GOSR2: variants seen among roughly 807,000 people sequenced by gnomAD.
The protein encoded by GOSR2 is 27 kDa Golgi SNARE protein.
A neutral mutation model predicts 27.9 loss-of-function variants in GOSR2; 20 were observed. The ratio of observed to expected loss-of-function variants is 0.72; its 90% CI spans 0.50 to 1.04. GOSR2 has a LOEUF of 1.04. Ranked by LOEUF, GOSR2 falls within the 50% of genes least tolerant of loss-of-function variation. The pLI, the probability that GOSR2 is intolerant of heterozygous loss-of-function variation, is 0.00. For missense variants in GOSR2, 261 were observed against 270.5 expected (o/e 0.97, Z 0.25); for synonymous variants, 91 against 98.8 (o/e 0.92, Z 0.47).
At chr17:46,936,520 C>G in intron 5 of GOSR2, 1 of 985,608 alleles carries the variant, frequency 1.0e-6, no homozygotes, top group Non-Finnish European at 1.2e-6. Context: ...CTCCACCTGC[C>G]TCACACCCTG....
chr17:46,935,430 A>G (rs1288527748), intron 5 of GOSR2: 1 of 1,419,674 alleles, frequency 7.0e-7, no homozygotes, highest in African/African-American at 1.4e-5. Flanking sequence ...TACTGAACTT[A>G]TCATGAAAGT....
At chr17:46,944,987 T>C (rs1162107920), downstream of GOSR2, among the ~76,000 whole-genome samples, 1 of 152,200 alleles carries the variant, frequency 6.6e-6, no homozygotes, top group Non-Finnish European at 1.5e-5. Flanking sequence ...TGGAGTATCA[T>C]TCCTGTTCAG....
At chr17:46,970,020 G>A (rs2091375096), downstream of GOSR2, among the ~76,000 whole-genome samples, 1 of 152,180 alleles carries the variant, frequency 6.6e-6, no homozygotes, top group African/African-American at 2.4e-5. Context: ...GCTGACTACA[G>A]CTAACCTCTC....
chr17:46,933,416 GTC>G (rs1376833229), intron 4 of GOSR2: 1 of 152,224 alleles, frequency 6.6e-6, no homozygotes, highest in Non-Finnish European at 1.5e-5. Flanking sequence ...CTGAAGAGAA[GTC>G]TCTGAGTCTT....
At chr17:46,929,371 G>A in intron 1 of GOSR2, 149 bp from the exon 2 acceptor site, 1 of 687,890 alleles carries the variant, frequency 1.5e-6, no homozygotes, top group Non-Finnish European at 2.7e-6. Context: ...CCAAAACGTG[G>A]GACCTAAAGT....
chr17:46,950,711 G>C (rs919497632), intron 6 of GOSR2, among the ~76,000 whole-genome samples: 3 of 152,152 alleles, frequency 2.0e-5, no homozygotes, highest in African/African-American at 7.2e-5. Flanking sequence ...TGGCTTGAGA[G>C]GGCAGGGACT....
chr17:46,943,580 C>G (rs2089547597), downstream of GOSR2, among the ~76,000 whole-genome samples: 1 of 152,228 alleles, frequency 6.6e-6, no homozygotes, highest in South Asian at 2.1e-4. Flanking sequence ...AGTTGCTCCT[C>G]ACCGCAGGGG....
At chr17:46,923,347 G>T in intron 1 of GOSR2, 126 bp downstream of exon 1, 1 of 1,522,076 alleles carries the variant, frequency 6.6e-7, no homozygotes, top group Non-Finnish European at 8.8e-7. Context: ...GGCACTGCTG[G>T]GGATGCCTCC....
chr17:46,960,210 A>G (rs1457173389), intron 6 of GOSR2, among the ~76,000 whole-genome samples: 1 of 152,256 alleles, frequency 6.6e-6, no homozygotes, highest in East Asian at 1.9e-4. Context: ...ACACTTTACT[A>G]AAGAAGATAT....
chr17:46,936,777 C>CG (rs1199531076), intron 5 of GOSR2: 5 of 981,416 alleles, frequency 5.1e-6, no homozygotes, highest in East Asian at 2.3e-4. Context: ...GTCACTATCT[C>CG]GGGGAAAAAA....
At chr17:46,958,440 T>G (rs1372722530) in intron 6 of GOSR2, among the ~76,000 whole-genome samples, 1 of 152,202 alleles carries the variant, frequency 6.6e-6, no homozygotes, top group Non-Finnish European at 1.5e-5. Context: ...GGCTTCCTTT[T>G]ATTCTCGAAC....
chr17:46,951,940 C>T (rs1047369378), intron 6 of GOSR2, among the ~76,000 whole-genome samples: 1 of 152,194 alleles, frequency 6.6e-6, no homozygotes, highest in African/African-American at 2.4e-5. Context: ...TTCACCCCCA[C>T]CAGGAAGTCT....
chr17:46,974,553 T>C (rs1158480740), intron 6 of GOSR2, among the ~76,000 whole-genome samples: 2 of 152,056 alleles, frequency 1.3e-5, no homozygotes, highest in Admixed American at 6.6e-5. Context: ...GCTAACACGG[T>C]GAAACCCCGT....
chr17:46,926,248 G>C (rs1180020949), intron 1 of GOSR2, among the ~76,000 whole-genome samples: 2 of 152,170 alleles, frequency 1.3e-5, no homozygotes, highest in Non-Finnish European at 1.5e-5. Context: ...AAAATGACCA[G>C]ATTGTTGCCA....
chr17:46,939,024 G>T lies in GOSR2; in HGVS notation c.*264G>T, dbSNP rs1173159954. 5.4e-6 allele frequency: 7 copies of T among 1,302,504 alleles called. No individual in the cohort carries two copies. The highest frequency in any genetic ancestry group is 6.9e-6 in the Non-Finnish European group (7 of 1,014,144). 80.7% of individuals were successfully genotyped at this position (1,302,504 alleles called of 1,614,324 possible). A position where few individuals can be genotyped will look rare whatever the true frequency, so the allele number is the denominator to read the frequency against. ...GTCTCTCTCACTCTCGCTCTCACTG[G>T]GGGAGGGAAAGAATGGCTTTGGTGG... On this transcript the variant is annotated 3_prime_UTR_variant, in exon 6 of 6. Transcript: ENST00000640051.
chr17:46,960,297 T>G (rs1332024023), intron 6 of GOSR2, among the ~76,000 whole-genome samples: 1 of 152,094 alleles, frequency 6.6e-6, no homozygotes, highest in Admixed American at 6.5e-5. Context: ...CACAATGAGG[T>G]GTCACTACAC....
chr17:46,935,932 G>T, intron 5 of GOSR2: 4 of 985,830 alleles, frequency 4.1e-6, no homozygotes, highest in Non-Finnish European at 4.8e-6. Flanking sequence ...AGCACTCCCA[G>T]CCACTGAGCT....
At chr17:46,943,861 T>TG (rs1178800915), downstream of GOSR2, among the ~76,000 whole-genome samples, 1 of 152,124 alleles carries the variant, frequency 6.6e-6, no homozygotes, top group African/African-American at 2.4e-5. Flanking sequence ...GTGACCAACT[T>TG]GTCTGGGTTT....
At chr17:46,949,937 A>G (rs2090204238) in intron 6 of GOSR2, among the ~76,000 whole-genome samples, 1 of 152,204 alleles carries the variant, frequency 6.6e-6, no homozygotes, top group African/African-American at 2.4e-5. Flanking sequence ...GAGCAGACTC[A>G]TTAGTCCCTG....
Sources: allele counts gnomAD v4.1 joint callset (sites outside exome capture counted in the v4.1 genomes callset), GRCh38; gene constraint gnomAD v4.1.1; transcripts MANE v1.5; gene names NCBI Gene and HGNC (gene_info 2026-07-23, HGNC 2026-07-21).